ADAM22: variants seen among roughly 807,000 people sequenced by gnomAD.
ADAM22 encodes the protein ADAM metallopeptidase domain 22, also known as disintegrin and metalloproteinase domain-containing protein 22.
A neutral mutation model predicts 144.6 loss-of-function variants in ADAM22; 65 were observed. That is an observed-to-expected ratio of 0.45 (90% CI 0.37 to 0.55). The LOEUF is 0.55. Among genes scored for constraint, ADAM22 ranks in the 20% least tolerant of loss-of-function variants. The probability of loss-of-function intolerance (pLI) is 0.00; values close to 1 mark genes in which losing one functional copy is unlikely to be tolerated. For missense variants in ADAM22, 974 were observed against 1,184.9 expected (o/e 0.82, Z 2.61); for synonymous variants, 391 against 412.6 (o/e 0.95, Z 0.63).
Position 88,197,829 on chromosome 7 carries a change from G to A in ADAM22, c.*1338G>A, listed in dbSNP as rs1446465554. 1 of 152,174 alleles carries A rather than the reference G, an allele frequency of 6.6e-6. No individual in the cohort carries two copies. The highest frequency in any genetic ancestry group is 2.4e-5 in the African/African-American group (1 of 41,446). The allele number at this position is 152,174 out of a possible 1,614,324, so 9.4% of individuals were successfully genotyped here. A position where few individuals can be genotyped will look rare whatever the true frequency, so the allele number is the denominator to read the frequency against. ...GCTTCAACCATTCATAAAGGGTTAA[G>A]TTAGATCTAAACCACAGAGATGCAG... On this transcript the variant is annotated 3_prime_UTR_variant, in exon 32 of 32. Transcript: ENST00000413139.
At chr7:88,019,352 A>G (rs1391896973) in intron 3 of ADAM22, among the ~76,000 whole-genome samples, 1 of 151,986 alleles carries the variant, frequency 6.6e-6, no homozygotes, top group African/African-American at 2.4e-5. Context: ...GTGGGTGCCT[A>G]TAATCCCAGG....
At chr7:88,002,189 T>C (rs1461181566) in intron 3 of ADAM22, among the ~76,000 whole-genome samples, 1 of 152,220 alleles carries the variant, frequency 6.6e-6, no homozygotes, top group African/African-American at 2.4e-5. Flanking sequence ...TTTTGGTCTC[T>C]AGGACTCTGT....
At chr7:88,107,616 A>ACTC (rs1360589655) in intron 4 of ADAM22, among the ~76,000 whole-genome samples, 1 of 150,860 alleles carries the variant, frequency 6.6e-6, no homozygotes, top group Non-Finnish European at 1.5e-5. Flanking sequence ...ACAGAATTTC[A>ACTC]CTCTTTTTGT....
chr7:88,112,354 T>C (rs1164677028), intron 5 of ADAM22, among the ~76,000 whole-genome samples: 1 of 152,202 alleles, frequency 6.6e-6, no homozygotes. Flanking sequence ...GAGGCAGAAC[T>C]TGGAGGCCAT....
At chr7:88,049,701 G>A (rs776565197) in intron 3 of ADAM22, among the ~76,000 whole-genome samples, 17 of 152,252 alleles carry the variant, frequency 1.1e-4, no homozygotes, top group South Asian at 2.1e-4. Context: ...CCGGCCTACC[G>A]TGTACATTAT....
intron 30 of ADAM22, among the ~76,000 whole-genome samples, chr7:88,188,353 A>G (rs1179597977): frequency 1.3e-5 from 2 of 152,160 alleles, no homozygotes; most frequent in East Asian, 1.9e-4. Flanking sequence ...AGGTCTGCCC[A>G]GAAGCTGCAT....
intron 5 of ADAM22, among the ~76,000 whole-genome samples, chr7:88,110,756 C>G (rs1361673497): frequency 1.3e-5 from 1 of 74,608 alleles, no homozygotes; most frequent in Non-Finnish European, 2.8e-5. Flanking sequence ...TTTGTTCATT[C>G]TTTTCTGTCA....
chr7:88,151,382 CGT>C, intron 20 of ADAM22, 62 bp downstream of exon 20: 1 of 1,587,894 alleles, frequency 6.3e-7, no homozygotes, highest in Non-Finnish European at 8.6e-7. Context: ...TTCTCAAGGA[CGT>C]GTGTGCTGGA....
At position 88,090,888 on chromosome 7, in the gene ADAM22, A is replaced by G. The variant is rs879749809; in HGVS notation, c.390+15196A>G. ...TTCCTGTGGGTTTGAGCTGTTGCCC[A>G]TTTTTAAGTACTTTCATTTTTAAAT... On this transcript the variant is annotated intron_variant, in intron 4 of 31. Coordinates refer to ENST00000413139, the MANE Select transcript of ADAM22 (RefSeq NM_001324418.2). 2.4e-4 allele frequency among the ~76,000 whole-genome samples: 36 copies of G among 152,132 alleles called. 1 individual carries two copies. The highest frequency in any genetic ancestry group is 4.4e-4 in the Non-Finnish European group (30 of 68,014).
intron 3 of ADAM22, among the ~76,000 whole-genome samples, chr7:87,993,222 C>T (rs1028456375): frequency 6.6e-6 from 1 of 152,154 alleles, no homozygotes; most frequent in Non-Finnish European, 1.5e-5. Flanking sequence ...AAAGAGAACC[C>T]TCTAACTACT....
At chr7:87,952,521 A>T (rs1845505674) in intron 2 of ADAM22, among the ~76,000 whole-genome samples, 1 of 151,774 alleles carries the variant, frequency 6.6e-6, no homozygotes, top group Admixed American at 6.6e-5. Flanking sequence ...AAGCTTTTTG[A>T]TGTGCTGCTG....
At position 88,155,752 on chromosome 7, in the gene ADAM22, T is replaced by C. The variant is rs971707443; in HGVS notation, c.1788-135T>C. The stretch of plus-strand genomic sequence containing the variant: ...CAGGTGGCACACTAATTTGGACTTA[T>C]TTTATTTCACTTGGCATATGAGTAG... On this transcript the variant is annotated intron_variant, in intron 21 of 31. Transcript: ENST00000413139. The C allele has an allele frequency of 2.0e-5, 21 of 1,042,574 alleles. No homozygotes were observed. In the East Asian group the frequency reaches 5.1e-4, roughly 25 times the overall value. 64.6% of individuals were successfully genotyped at this position (1,042,574 alleles called of 1,614,324 possible).
At chr7:88,142,979 G>T in intron 14 of ADAM22, 47 bp from the exon 15 acceptor site, 1 of 1,192,734 alleles carries the variant, frequency 8.4e-7, no homozygotes, top group South Asian at 1.3e-5. Context: ...ATTCACAAAT[G>T]AGAAAGATGA....
chr7:88,027,015 A>T (rs770787835), intron 3 of ADAM22, among the ~76,000 whole-genome samples: 1 of 152,200 alleles, frequency 6.6e-6, no homozygotes, highest in Non-Finnish European at 1.5e-5. Flanking sequence ...ACATTCTGTT[A>T]ATATGATGCA....
chr7:88,032,482 G>T (rs979040130), intron 3 of ADAM22, among the ~76,000 whole-genome samples: 35 of 152,168 alleles, frequency 2.3e-4, no homozygotes, highest in Non-Finnish European at 3.1e-4. Flanking sequence ...TGACTATCTT[G>T]TTTTTGATTT....
At chr7:88,067,850 CAG>C (rs1187459560) in intron 3 of ADAM22, among the ~76,000 whole-genome samples, 2 of 152,120 alleles carry the variant, frequency 1.3e-5, no homozygotes, top group Admixed American at 1.3e-4. Context: ...CCTTTAGACA[CAG>C]GGGTACACAG....
At chr7:88,107,203 T>C (rs1156249532) in intron 4 of ADAM22, among the ~76,000 whole-genome samples, 28 of 140,196 alleles carry the variant, frequency 2.0e-4, no homozygotes, top group Non-Finnish European at 2.8e-4. Flanking sequence ...AATTTCTTTT[T>C]TTTTTTTTTT....
intron 3 of ADAM22, among the ~76,000 whole-genome samples, chr7:87,998,549 C>T (rs1791790015): frequency 6.6e-6 from 1 of 152,062 alleles, no homozygotes; most frequent in South Asian, 2.1e-4. Flanking sequence ...CGCCACAATG[C>T]CTGGCTAATT....
intron 2 of ADAM22, among the ~76,000 whole-genome samples, chr7:87,949,578 TCTA>T (rs1844533361): frequency 6.6e-6 from 1 of 152,224 alleles, no homozygotes; most frequent in African/African-American, 2.4e-5. Flanking sequence ...GAGAGTGACA[TCTA>T]CTATTTCTGA....
Sources: gnomAD v4.1 joint callset for allele counts (sites outside exome capture counted in the v4.1 genomes callset) on GRCh38, gnomAD v4.1.1 for gene constraint, MANE v1.5 for transcripts, NCBI Gene and HGNC (gene_info 2026-07-23, HGNC 2026-07-21) for gene names.